The following FOXP1 variants were observed in gnomAD, a reference collection of about 807,000 sequenced individuals.
FOXP1 encodes the protein forkhead box protein P1.
Under a neutral mutation model 98.2 loss-of-function variants are expected in FOXP1, and 15 were observed. The observed-to-expected ratio is 0.15, with a 90% CI of 0.10 to 0.24. The LOEUF is 0.24. Among genes scored for constraint, FOXP1 ranks in the 10% least tolerant of loss-of-function variants. The probability of loss-of-function intolerance (pLI) is 1.00; values close to 1 mark genes in which losing one functional copy is unlikely to be tolerated. For synonymous variants in FOXP1, 371 were observed against 314.5 expected (o/e 1.18, Z -1.90); for missense variants, 633 against 848.5 (o/e 0.75, Z 3.15).
chr3:71,120,375 T>A (rs1413055561), intron 6 of FOXP1, among the ~76,000 whole-genome samples: 1 of 152,208 alleles, frequency 6.6e-6, no homozygotes, highest in East Asian at 1.9e-4. Flanking sequence ...GCATCATCCA[T>A]CCTCAAGAGT....
chr3:71,198,152 T>TA (rs751056929), intron 6 of FOXP1, 50 bp downstream of exon 6: 4 of 1,613,840 alleles, frequency 2.5e-6, no homozygotes, highest in Non-Finnish European at 3.4e-6. Flanking sequence ...AATTCAGCAG[T>TA]AAAATTCGCA....
intron 4 of FOXP1, among the ~76,000 whole-genome samples, chr3:71,304,415 C>G (rs753166529): frequency 6.6e-6 from 1 of 152,184 alleles, no homozygotes; most frequent in African/African-American, 2.4e-5. Flanking sequence ...TTTAGATTCA[C>G]CTTTAGTGTG....
At chr3:71,340,466 G>A (rs1358613681) in intron 4 of FOXP1, among the ~76,000 whole-genome samples, 2 of 152,154 alleles carry the variant, frequency 1.3e-5, no homozygotes, top group African/African-American at 2.4e-5. Context: ...AGTTTGCCAC[G>A]TGGCCTCCAC....
intron 6 of FOXP1, among the ~76,000 whole-genome samples, chr3:71,119,915 CA>C (rs1209091380): frequency 6.6e-6 from 1 of 152,116 alleles, no homozygotes; most frequent in Non-Finnish European, 1.5e-5. Context: ...TTTTATTTTA[CA>C]AATAGAACAT....
chr3:70,962,152 T>G (rs1327307244), intron 20 of FOXP1, among the ~76,000 whole-genome samples: 2 of 152,248 alleles, frequency 1.3e-5, no homozygotes. Flanking sequence ...GCAGGAATGC[T>G]ATTTTTTAAA....
At chr3:71,036,242 AG>A (rs2047563973) in intron 11 of FOXP1, among the ~76,000 whole-genome samples, 1 of 152,222 alleles carries the variant, frequency 6.6e-6, no homozygotes, top group Admixed American at 6.5e-5. Flanking sequence ...AGTAATACAC[AG>A]GGCTCCGTCA....
intron 2 of FOXP1, among the ~76,000 whole-genome samples, chr3:71,505,557 C>A (rs1274661215): frequency 6.6e-6 from 1 of 151,940 alleles, no homozygotes; most frequent in Non-Finnish European, 1.5e-5. Flanking sequence ...TCCAGAGTAG[C>A]TGGGATTACA....
intron 3 of FOXP1, among the ~76,000 whole-genome samples, chr3:71,464,919 A>G (rs972360251): frequency 6.6e-6 from 1 of 152,110 alleles, no homozygotes; most frequent in Non-Finnish European, 1.5e-5. Flanking sequence ...TCTAACCCTT[A>G]GTTTCCTCAT....
At chr3:71,105,074 G>A (rs757163132) in intron 7 of FOXP1, among the ~76,000 whole-genome samples, 15 of 152,292 alleles carry the variant, frequency 9.8e-5, no homozygotes, top group Admixed American at 2.0e-4. Context: ...GTGGAACCAC[G>A]TTGCTTCGAC....
chr3:71,016,314 T>A (rs769640735), intron 11 of FOXP1, among the ~76,000 whole-genome samples: 1 of 151,904 alleles, frequency 6.6e-6, no homozygotes, highest in Non-Finnish European at 1.5e-5. Context: ...TCCAGTGGGG[T>A]TCCAATCAAT....
intron 6 of FOXP1, among the ~76,000 whole-genome samples, chr3:71,174,140 T>C (rs1273796688): frequency 6.6e-6 from 1 of 152,188 alleles, no homozygotes; most frequent in African/African-American, 2.4e-5. Context: ...TATGGAGTAT[T>C]TGTGACAGAA....
intron 4 of FOXP1, among the ~76,000 whole-genome samples, chr3:71,312,194 C>T (rs1284249172): frequency 6.6e-6 from 1 of 152,146 alleles, no homozygotes; most frequent in Non-Finnish European, 1.5e-5. Context: ...CCAAAAAGAA[C>T]GTTAACACTC....
In FOXP1 at chr3:71,374,556, A is replaced by G. The variant is rs115621117; in HGVS notation, c.-167-15312T>C. 8.2e-3 allele frequency among the ~76,000 whole-genome samples: 1,250 copies of G among 152,134 alleles called. 17 individuals carry two copies. Among genetic ancestry groups the G allele is most frequent in the African/African-American group, 0.027 (1,130 of 41,502 alleles). ...TGTAGTGAGCCAAGAGTGCGCCACT[A>G]AACTCCAGTCTAGGTAACACAGCAA... On this transcript the variant is annotated intron_variant, in intron 3 of 20. Coordinates refer to ENST00000649528, the MANE Select transcript of FOXP1 (RefSeq NM_001349338.3).
chr3:71,482,202 G>A (rs761912337), intron 3 of FOXP1, among the ~76,000 whole-genome samples: 2 of 152,000 alleles, frequency 1.3e-5, no homozygotes, highest in Non-Finnish European at 2.9e-5. Context: ...GGGCTTTGCT[G>A]CACCCAGGTA....
intron 5 of FOXP1, among the ~76,000 whole-genome samples, chr3:71,240,686 C>A (rs906549509): frequency 2.0e-5 from 3 of 151,642 alleles, no homozygotes; most frequent in African/African-American, 7.3e-5. Flanking sequence ...GGATTACAGG[C>A]GCGTGCCACC....
intron 4 of FOXP1, among the ~76,000 whole-genome samples, chr3:71,325,034 C>T (rs1269452388): frequency 6.7e-6 from 1 of 150,268 alleles, no homozygotes; most frequent in Admixed American, 6.7e-5. Context: ...TCCAGAGTTG[C>T]TGTAGGTATA....
intron 10 of FOXP1, 22 bp from the exon 11 acceptor site, chr3:71,041,554 A>C (rs1310008470): frequency 6.2e-7 from 1 of 1,602,980 alleles, no homozygotes; most frequent in South Asian, 1.1e-5. Context: ...AAATTGGATA[A>C]TTAAATCAAT....
At chr3:71,059,718 C>T (rs897274570) in intron 7 of FOXP1, among the ~76,000 whole-genome samples, 8 of 152,036 alleles carry the variant, frequency 5.3e-5, no homozygotes, top group Non-Finnish European at 7.4e-5. Context: ...TTTATATTAA[C>T]AACAACAACA....
chr3:71,269,960 T>A (rs565020077), intron 5 of FOXP1, among the ~76,000 whole-genome samples: 1 of 152,204 alleles, frequency 6.6e-6, no homozygotes, highest in Non-Finnish European at 1.5e-5. Flanking sequence ...GCTGAAAGTG[T>A]TGATTTCTTC....
Sources: gnomAD v4.1 joint callset for allele counts (sites outside exome capture counted in the v4.1 genomes callset) on GRCh38, gnomAD v4.1.1 for gene constraint, MANE v1.5 for transcripts, NCBI Gene and HGNC (gene_info 2026-07-23, HGNC 2026-07-21) for gene names.